Variants in CPNE4 observed in about 807,000 individuals in gnomAD.
CPNE4 encodes copine-4.
In CPNE4, 25 loss-of-function variants were observed where a neutral mutation model predicts 67.9. The observed-to-expected ratio is 0.37, with a 90% confidence interval of 0.27 to 0.51. The LOEUF (loss-of-function observed/expected upper bound fraction) is 0.51. CPNE4 is among the 20% of genes least tolerant of loss of function. The probability of loss-of-function intolerance (pLI) is 0.93; values close to 1 mark genes in which losing one functional copy is unlikely to be tolerated. For missense variants in CPNE4, 464 were observed against 690.8 expected (o/e 0.67, Z 3.68); for synonymous variants, 242 against 244.9 (o/e 0.99, Z 0.11).
At chr3:131,786,695 C>T (rs543251169) in intron 2 of CPNE4, among the ~76,000 whole-genome samples, 1 of 152,062 alleles carries the variant, frequency 6.6e-6, no homozygotes, top group African/African-American at 2.4e-5. Flanking sequence ...TGACATTGGG[C>T]AAGATAATTA....
chr3:131,996,490 A>AT (rs11415101), intron 1 of CPNE4, among the ~76,000 whole-genome samples: 28,620 of 63,296 alleles, frequency 0.45, 5,070 homozygotes, highest in African/African-American at 0.64. Context: ...GGAGAAAATA[A>AT]TAAAAAAAAG....
intron 2 of CPNE4, among the ~76,000 whole-genome samples, chr3:131,885,234 T>C (rs1002168118): frequency 2.0e-5 from 3 of 152,174 alleles, no homozygotes; most frequent in African/African-American, 7.2e-5. Context: ...ACTCCTGTTA[T>C]GTTTTAGCAA....
At chr3:131,595,004 T>C (rs757651334) in intron 7 of CPNE4, among the ~76,000 whole-genome samples, 2 of 152,224 alleles carry the variant, frequency 1.3e-5, no homozygotes, top group African/African-American at 2.4e-5. Context: ...TCCAGTGAGA[T>C]ACCACCTTAC....
chr3:131,615,929 GCA>G (rs55641783), intron 7 of CPNE4, among the ~76,000 whole-genome samples: 937 of 78,010 alleles, frequency 0.012, 5 homozygotes, highest in Admixed American at 0.017. Context: ...ACACACACAC[GCA>G]CACACACACA....
intron 10 of CPNE4, among the ~76,000 whole-genome samples, chr3:131,569,676 A>G (rs527385278): frequency 7.9e-5 from 12 of 151,278 alleles, no homozygotes; most frequent in Non-Finnish European, 1.5e-4. Flanking sequence ...AAAAAAAAAG[A>G]AGAAAGGAAG....
At chr3:131,818,292 T>A (rs1009538807) in intron 2 of CPNE4, among the ~76,000 whole-genome samples, 7 of 152,202 alleles carry the variant, frequency 4.6e-5, no homozygotes, top group African/African-American at 7.2e-5. Context: ...CAGGGAAAAA[T>A]AGAAGCTTCA....
chr3:131,799,142 GTTT>G (rs2084002260), intron 2 of CPNE4, among the ~76,000 whole-genome samples: 1 of 152,132 alleles, frequency 6.6e-6, no homozygotes, highest in African/African-American at 2.4e-5. Flanking sequence ...CCACGGATAT[GTTT>G]TTAACTTTTT....
rs1236905210 is a variant in CPNE4, at chr3:131,587,596, C to A, written c.682-14G>T. Reference sequence around the variant, plus strand: ...CCATACTATGCACTGTAAGAGAAAACAATGATCTTTCTTAAAAAATTAAGA... The same window carrying A: ...CCATACTATGCACTGTAAGAGAAAAAAATGATCTTTCTTAAAAAATTAAGA... On this transcript the variant is annotated splice_polypyrimidine_tract_variant and intron_variant, in intron 7 of 15. Transcript: ENST00000429747. 6.3e-7 allele frequency: 1 copy of A among 1,575,870 alleles called. No individual in the cohort carries two copies. The highest frequency in any genetic ancestry group is 8.7e-7 in the Non-Finnish European group (1 of 1,147,682).
intron 7 of CPNE4, among the ~76,000 whole-genome samples, chr3:131,596,215 A>G (rs972955571): frequency 2.0e-5 from 3 of 152,228 alleles, no homozygotes; most frequent in South Asian, 2.1e-4. Flanking sequence ...GGATATGTCA[A>G]TCAGCTTGTG....
At chr3:131,861,704 A>G (rs1032762003) in intron 2 of CPNE4, among the ~76,000 whole-genome samples, 3 of 152,138 alleles carry the variant, frequency 2.0e-5, no homozygotes, top group Non-Finnish European at 4.4e-5. Flanking sequence ...AAGTGCTGGG[A>G]TTACAGACAT....
chr3:132,032,192 G>T (rs1216571936), intron 1 of CPNE4, among the ~76,000 whole-genome samples: 2 of 152,138 alleles, frequency 1.3e-5, no homozygotes, highest in African/African-American at 4.8e-5. Context: ...TATTTTCAAA[G>T]AAATATTTAG....
chr3:131,888,836 T>G (rs1450252364), intron 2 of CPNE4, among the ~76,000 whole-genome samples: 5 of 152,312 alleles, frequency 3.3e-5, no homozygotes, highest in African/African-American at 9.6e-5. Flanking sequence ...AAGTGCTTAG[T>G]AAGAAACTTG....
intron 2 of CPNE4, among the ~76,000 whole-genome samples, chr3:131,872,660 T>C (rs2087266825): frequency 6.6e-6 from 1 of 152,234 alleles, no homozygotes; most frequent in African/African-American, 2.4e-5. Flanking sequence ...GAACATCACG[T>C]AAGACTAAGT....
At chr3:131,989,520 G>T (rs2107648274) in intron 1 of CPNE4, among the ~76,000 whole-genome samples, 1 of 146,140 alleles carries the variant, frequency 6.8e-6, no homozygotes, top group East Asian at 2.1e-4. Flanking sequence ...TAAACCAAGA[G>T]TCCTACCCTC....
rs796117335 is a variant in CPNE4 at position 131,801,415 on chromosome 3, CGTGTGT to C, written c.181-77796_181-77791del. On this transcript the variant is annotated intron_variant, in intron 2 of 15. Transcript: ENST00000429747. ...ACATATATATATAGGTACATATATA[CGTGTGT>C]GTGTGTGTGTGTGTGTGTGTGTGTG... Among the ~76,000 whole-genome samples, 160 of 66,064 alleles carry C rather than the reference CGTGTGT, an allele frequency of 2.4e-3. 10 individuals carry two copies. The highest frequency in any genetic ancestry group is 0.01 in the African/African-American group (145 of 14,456). 43.3% of individuals were successfully genotyped at this position (66,064 alleles called of 152,430 possible). A position where few individuals can be genotyped will look rare whatever the true frequency, so the allele number is the denominator to read the frequency against.
intron 5 of CPNE4, among the ~76,000 whole-genome samples, chr3:131,689,298 A>G (rs2080971577): frequency 6.6e-6 from 1 of 152,246 alleles, no homozygotes; most frequent in Non-Finnish European, 1.5e-5. Flanking sequence ...TGCCTGGTAC[A>G]CGGTGAAGAC....
intron 11 of CPNE4, among the ~76,000 whole-genome samples, chr3:131,557,795 G>T (rs1037855928): frequency 3.9e-5 from 6 of 151,962 alleles, no homozygotes; most frequent in Non-Finnish European, 8.8e-5. Context: ...ACAAGCATGG[G>T]TAGGTGTGAG....
intron 2 of CPNE4, among the ~76,000 whole-genome samples, chr3:131,826,058 A>G (rs2085146401): frequency 6.6e-6 from 1 of 152,134 alleles, no homozygotes; most frequent in African/African-American, 2.4e-5. Flanking sequence ...TTCTTTCCTA[A>G]ACCTCATCAT....
intron 7 of CPNE4, among the ~76,000 whole-genome samples, chr3:131,594,412 T>C (rs1401388162): frequency 6.6e-6 from 1 of 152,206 alleles, no homozygotes; most frequent in Non-Finnish European, 1.5e-5. Flanking sequence ...TATATTCAAC[T>C]GAACTTTGAG....
Sources: gnomAD v4.1 joint callset for allele counts (sites outside exome capture counted in the v4.1 genomes callset) on GRCh38, gnomAD v4.1.1 for gene constraint, MANE v1.5 for transcripts, NCBI Gene and HGNC (gene_info 2026-07-23, HGNC 2026-07-21) for gene names.